The following DUSP16 variants were observed in gnomAD, a reference collection of about 807,000 sequenced individuals.
The protein encoded by DUSP16 is dual specificity protein phosphatase 16.
Under a neutral mutation model 58.3 loss-of-function variants are expected in DUSP16, and 21 were observed. That is an observed-to-expected ratio of 0.36 (90% CI 0.26 to 0.52). DUSP16 has a LOEUF of 0.52. DUSP16 is among the 20% of genes least tolerant of loss of function. The pLI is 0.94. For synonymous variants in DUSP16, 320 were observed against 323.8 expected (o/e 0.99, Z 0.12); for missense variants, 726 against 819.0 (o/e 0.89, Z 1.39).
intron 1 of DUSP16, among the ~76,000 whole-genome samples, chr12:12,529,557 A>G (rs1944355404): frequency 6.6e-6 from 1 of 152,222 alleles, no homozygotes; most frequent in Non-Finnish European, 1.5e-5. Flanking sequence ...AACACTTAAC[A>G]TCCACTCCTT....
Position 12,480,328 on chromosome 12 carries a change from T to C in DUSP16, c.710A>G (p.Asn237Ser), listed in dbSNP as rs1298482218. The change falls in exon 6 of 7, where the codon AAT (asparagine) becomes AGT (serine). Residue 237 changes from asparagine to serine, a missense_variant. Asn to Ser is a conservative substitution (Grantham distance 46, BLOSUM62 1). Transcript: ENST00000298573. Reference sequence around the variant, plus strand: ...TAAACAGTGCACTAGAACACATCCATTGGAGGCTTTTGCTTTCTCTGTATA... The same window carrying C: ...TAAACAGTGCACTAGAACACATCCACTGGAGGCTTTTGCTTTCTCTGTATA... ...VDFIEKAKAS[N>S]GCVLVHCLAG... 4 of 1,613,768 alleles carry C rather than the reference T, an allele frequency of 2.5e-6. No homozygotes were observed. Among genetic ancestry groups the C allele is most frequent in the African/African-American group, 2.7e-5 (2 of 74,918 alleles).
chr12:12,509,514 C>T (rs948472331), intron 3 of DUSP16, among the ~76,000 whole-genome samples: 3 of 151,974 alleles, frequency 2.0e-5, no homozygotes, highest in Admixed American at 6.6e-5. Flanking sequence ...CCTTGAGCAG[C>T]GTATCTAGAC....
In DUSP16 at chr12:12,502,550, A is replaced by ATTTTT. The variant is rs58116968; in HGVS notation, c.368-1873_368-1869dup. Reference sequence around the variant, plus strand: ...CTGCACCTTACAGTTTCATGGTTTCATTTTTTTTTTTTTTTTTTGAGACGA... The same window carrying ATTTTT: ...CTGCACCTTACAGTTTCATGGTTTCATTTTTTTTTTTTTTTTTTTTTTTGAGACGA... On this transcript the variant is annotated intron_variant, in intron 3 of 6. Coordinates refer to ENST00000298573, the MANE Select transcript of DUSP16 (RefSeq NM_030640.3). Among the ~76,000 whole-genome samples, 62 of 130,904 alleles carry ATTTTT rather than the reference A, an allele frequency of 4.7e-4. 1 individual carries two copies. Among genetic ancestry groups the ATTTTT allele is most frequent in the East Asian group, 3.8e-3 (17 of 4,472 alleles). 85.9% of individuals were successfully genotyped at this position (130,904 alleles called of 152,430 possible). A position where few individuals can be genotyped will look rare whatever the true frequency, so the allele number is the denominator to read the frequency against.
At chr12:12,550,324 A>G (rs1047320583) in intron 1 of DUSP16, among the ~76,000 whole-genome samples, 5 of 152,086 alleles carry the variant, frequency 3.3e-5, no homozygotes, top group African/African-American at 2.4e-5. Context: ...ATGTCAGCAC[A>G]TGGTACTAGT....
intron 1 of DUSP16, among the ~76,000 whole-genome samples, chr12:12,544,807 G>A (rs1303931106): frequency 1.3e-5 from 2 of 152,092 alleles, no homozygotes; most frequent in Non-Finnish European, 2.9e-5. Flanking sequence ...TGTAAGTGAT[G>A]GCAAGCAAGG....
intron 1 of DUSP16, among the ~76,000 whole-genome samples, chr12:12,528,364 T>C (rs1944335131): frequency 6.6e-6 from 1 of 152,106 alleles, no homozygotes; most frequent in African/African-American, 2.4e-5. Context: ...AATGGAAGGA[T>C]CCCTGGATGA....
chr12:12,529,939 G>A (rs1592197635), intron 1 of DUSP16, among the ~76,000 whole-genome samples: 2 of 152,224 alleles, frequency 1.3e-5, no homozygotes, highest in South Asian at 2.1e-4. Context: ...TTCATATTTT[G>A]ATAGACGCTT....
At position 12,474,313 on chromosome 12, in the gene DUSP16, C is replaced by G. The variant is rs545585556; in HGVS notation, c.*2520G>C. On this transcript the variant is annotated 3_prime_UTR_variant, in exon 7 of 7. Coordinates refer to ENST00000298573, the MANE Select transcript of DUSP16 (RefSeq NM_030640.3). Reference sequence around the variant, plus strand: ...CAAAATGAGAAATGCACAGTTTAACCGTTCAACAGCTGGCCTTACTTCAAA... The same window carrying G: ...CAAAATGAGAAATGCACAGTTTAACGGTTCAACAGCTGGCCTTACTTCAAA... 24 of 152,142 alleles carry G rather than the reference C, an allele frequency of 1.6e-4. No individual in the cohort carries two copies. The highest frequency in any genetic ancestry group is 1.8e-4 in the Non-Finnish European group (12 of 68,022). The allele number at this position is 152,142 out of a possible 1,614,324, so 9.4% of individuals were successfully genotyped here. A position where few individuals can be genotyped will look rare whatever the true frequency, so the allele number is the denominator to read the frequency against.
chr12:12,520,977 T>TG lies in DUSP16; in HGVS notation c.121dup (p.His41ProfsTer7). The stretch of plus-strand genomic sequence containing the variant: ...GTTGATATTAATGGCTTCCAAAATG[T>TG]GGGATGTATTGTATTCCACAAATGG... On this transcript the variant is annotated frameshift_variant, in exon 2 of 7. Coordinates refer to ENST00000298573, the MANE Select transcript of DUSP16 (RefSeq NM_030640.3). LOFTEE classifies it high-confidence loss of function. 1.2e-6 allele frequency: 2 copies of TG among 1,614,218 alleles called. No individual in the cohort carries two copies. Among genetic ancestry groups the TG allele is most frequent in the Non-Finnish European group, 1.7e-6 (2 of 1,180,042 alleles).
intron 1 of DUSP16, among the ~76,000 whole-genome samples, chr12:12,558,201 A>C (rs1204202417): frequency 6.6e-6 from 1 of 152,272 alleles, no homozygotes; most frequent in East Asian, 1.9e-4. Flanking sequence ...TCCTATCAGT[A>C]GTTAATCCAG....
rs768638602 is a variant in DUSP16, at chr12:12,520,098, T to C, written c.229-98A>G. 3.0e-5 allele frequency: 35 copies of C among 1,168,502 alleles called. 1 individual carries two copies. Among genetic ancestry groups the C allele is most frequent in the Middle Eastern group, 2.1e-4 (1 of 4,692 alleles). The allele number at this position is 1,168,502 out of a possible 1,614,324, so 72.4% of individuals were successfully genotyped here. On this transcript the variant is annotated intron_variant, in intron 2 of 6. Transcript: ENST00000298573. Reference sequence around the variant, plus strand: ...CATTTACCAGTGCTGGGGCGAATAATTGCTTCCTGTTTTCAATTAATAATT... The same window carrying C: ...CATTTACCAGTGCTGGGGCGAATAACTGCTTCCTGTTTTCAATTAATAATT...
At chr12:12,522,102 A>G (rs913750944) in intron 1 of DUSP16, among the ~76,000 whole-genome samples, 1 of 152,198 alleles carries the variant, frequency 6.6e-6, no homozygotes, top group African/African-American at 2.4e-5. Flanking sequence ...AGGAAGGACA[A>G]AAACAACTGA....
intron 1 of DUSP16, among the ~76,000 whole-genome samples, chr12:12,528,357 G>GGAA (rs1311517620): frequency 5.3e-5 from 8 of 152,188 alleles, no homozygotes; most frequent in Non-Finnish European, 1.5e-5. Flanking sequence ...GGGTAGAAAT[G>GGAA]GAAGGATCCC....
chr12:12,532,888 C>T (rs927079620), intron 1 of DUSP16, among the ~76,000 whole-genome samples: 3 of 149,270 alleles, frequency 2.0e-5, no homozygotes, highest in Admixed American at 6.7e-5. Flanking sequence ...GCGGAGGTTG[C>T]AGTGAGCCGG....
intron 1 of DUSP16, among the ~76,000 whole-genome samples, chr12:12,552,493 G>A (rs1411252750): frequency 6.6e-6 from 1 of 152,020 alleles, no homozygotes; most frequent in Non-Finnish European, 1.5e-5. Flanking sequence ...TTGAATTTTG[G>A]TGTAACAAAA....
intron 1 of DUSP16, among the ~76,000 whole-genome samples, chr12:12,526,679 T>C (rs1412089987): frequency 2.6e-5 from 4 of 152,212 alleles, no homozygotes; most frequent in Non-Finnish European, 5.9e-5. Flanking sequence ...GTGATTATAT[T>C]AAGGATCTTC....
intron 1 of DUSP16, among the ~76,000 whole-genome samples, chr12:12,561,386 T>C (rs1304721120): frequency 6.6e-6 from 1 of 152,234 alleles, no homozygotes; most frequent in Non-Finnish European, 1.5e-5. Context: ...TGGTTCATTA[T>C]TGGTATTCTT....
intron 3 of DUSP16, among the ~76,000 whole-genome samples, chr12:12,513,753 T>G: frequency 6.6e-6 from 1 of 152,224 alleles, no homozygotes; most frequent in Non-Finnish European, 1.5e-5. Context: ...ATTTTTCACA[T>G]GCAGGTTGAT....
In DUSP16 at chr12:12,476,729, C is replaced by A; in HGVS notation, c.*104G>T. ...GCTTTTACACCATAGCTCCATTTTC[C>A]AAAAATATATATGTATGTACATATA... On this transcript the variant is annotated 3_prime_UTR_variant, in exon 7 of 7. Transcript: ENST00000298573. The A allele has an allele frequency of 8.8e-7, 1 of 1,136,618 alleles. No homozygotes were observed. Among genetic ancestry groups the A allele is most frequent in the South Asian group, 1.6e-5 (1 of 61,102 alleles). 70.4% of individuals were successfully genotyped at this position (1,136,618 alleles called of 1,614,324 possible). A position where few individuals can be genotyped will look rare whatever the true frequency, so the allele number is the denominator to read the frequency against.
Sources: allele counts gnomAD v4.1 joint callset (sites outside exome capture counted in the v4.1 genomes callset), GRCh38; gene constraint gnomAD v4.1.1; transcripts MANE v1.5; gene names NCBI Gene and HGNC (gene_info 2026-07-23, HGNC 2026-07-21).